Variants in CSMD1 observed in about 807,000 individuals in gnomAD.
The protein encoded by CSMD1 is CUB and Sushi multiple domains 1.
In CSMD1, 213 loss-of-function variants were observed where a neutral mutation model predicts 417.5. The ratio of observed to expected loss-of-function variants is 0.51; its 90% CI spans 0.46 to 0.57. CSMD1 has a LOEUF of 0.57. Ranked by LOEUF, CSMD1 falls within the 20% of genes least tolerant of loss-of-function variation. CSMD1 has a pLI of 0.00. For synonymous variants in CSMD1, 2,862 were observed against 1,736.8 expected (o/e 1.65, Z -16.11); for missense variants, 6,923 against 4,529.7 (o/e 1.53, Z -15.17).
At chr8:3,294,016 C>A (rs564663090) in intron 25 of CSMD1, among the ~76,000 whole-genome samples, 1 of 115,504 alleles carries the variant, frequency 8.7e-6, no homozygotes, top group African/African-American at 2.5e-5. Flanking sequence ...TGTGGATGTC[C>A]TTTCTGTTTG....
chr8:3,219,474 GC>G, intron 28 of CSMD1, 32 bp from the exon 29 acceptor site: 10 of 1,369,428 alleles, frequency 7.3e-6, no homozygotes, highest in Non-Finnish European at 9.6e-6. Context: ...ATGTCATACG[GC>G]TAACAGATAT....
intron 3 of CSMD1, among the ~76,000 whole-genome samples, chr8:4,230,998 T>G (rs934637786): frequency 2.0e-5 from 3 of 152,176 alleles, no homozygotes; most frequent in Admixed American, 6.5e-5. Flanking sequence ...GTATTTTGTT[T>G]CATCACACAC....
intron 4 of CSMD1, among the ~76,000 whole-genome samples, chr8:4,014,073 T>C (rs1163181819): frequency 6.6e-6 from 1 of 152,174 alleles, no homozygotes; most frequent in African/African-American, 2.4e-5. Flanking sequence ...TAAAAACAAC[T>C]TTTGAGCATC....
intron 2 of CSMD1, among the ~76,000 whole-genome samples, chr8:4,577,148 GT>G (rs912686429): frequency 6.6e-6 from 1 of 151,350 alleles, no homozygotes; most frequent in Non-Finnish European, 1.5e-5. Flanking sequence ...GTTTCCTTGG[GT>G]TTTTTTTGCA....
intron 2 of CSMD1, among the ~76,000 whole-genome samples, chr8:4,457,394 A>T (rs921838349): frequency 6.6e-6 from 1 of 152,080 alleles, no homozygotes; most frequent in African/African-American, 2.4e-5. Flanking sequence ...CTGGAACAGG[A>T]AGGGAATGTT....
intron 25 of CSMD1, among the ~76,000 whole-genome samples, chr8:3,307,079 T>C (rs1804920226): frequency 6.6e-6 from 1 of 152,174 alleles, no homozygotes. Context: ...CACAAGTCTT[T>C]TTAAAATATG....
intron 1 of CSMD1, among the ~76,000 whole-genome samples, chr8:4,803,966 T>A (rs1798449210): frequency 6.6e-6 from 1 of 152,174 alleles, no homozygotes; most frequent in Non-Finnish European, 1.5e-5. Context: ...TCTTTACAGA[T>A]GTATCGTAAG....
chr8:4,341,836 C>G (rs569248977), intron 3 of CSMD1, among the ~76,000 whole-genome samples: 7 of 152,204 alleles, frequency 4.6e-5, no homozygotes, highest in Admixed American at 2.6e-4. Context: ...TGCATAATAA[C>G]AGAAGGATGC....
At chr8:4,547,908 A>C (rs1175774467) in intron 2 of CSMD1, among the ~76,000 whole-genome samples, 1 of 152,208 alleles carries the variant, frequency 6.6e-6, no homozygotes, top group Non-Finnish European at 1.5e-5. Context: ...GCCATGACAA[A>C]ATAAAGGCCG....
chr8:4,810,478 G>C (rs1334266350), intron 1 of CSMD1, among the ~76,000 whole-genome samples: 1 of 152,082 alleles, frequency 6.6e-6, no homozygotes, highest in Non-Finnish European at 1.5e-5. Flanking sequence ...CCCGAGTCAT[G>C]TTTGATGTTA....
intron 3 of CSMD1, among the ~76,000 whole-genome samples, chr8:4,054,263 G>C (rs139608955): frequency 4.5e-5 from 6 of 132,220 alleles, no homozygotes; most frequent in South Asian, 2.9e-4. Context: ...TGAGAGTTAA[G>C]AGGTGACGGG....
intron 4 of CSMD1, among the ~76,000 whole-genome samples, chr8:4,010,815 T>G (rs1249894109): frequency 6.6e-6 from 1 of 152,206 alleles, no homozygotes; most frequent in Non-Finnish European, 1.5e-5. Context: ...AAAACACCTT[T>G]GGTTCCAGTC....
Position 2,966,637 on chromosome 8 carries a change from G to C in CSMD1, c.9033C>G (p.Thr3011=). ...VIYACWEGYK[T]SGLMTRHCTA... The stretch of plus-strand genomic sequence containing the variant: ...TGCAATGCCGTGTCATGAGCCCTGA[G>C]GTCTTGTAGCCTTCCCAGCAGGCAT... Residue 3011 remains threonine, a synonymous_variant, in exon 58 of 70, where the codon ACC becomes ACG. Transcript: ENST00000635120. The C allele has an allele frequency of 1.2e-6, 2 of 1,613,790 alleles. No homozygotes were observed. The highest frequency in any genetic ancestry group is 8.5e-7 in the Non-Finnish European group (1 of 1,179,812).
chr8:3,075,622 TTA>T (rs1813605845), intron 49 of CSMD1, among the ~76,000 whole-genome samples: 2 of 152,114 alleles, frequency 1.3e-5, no homozygotes, highest in South Asian at 4.1e-4. Context: ...CCTAATACAT[TTA>T]TAGAGGTATG....
intron 3 of CSMD1, among the ~76,000 whole-genome samples, chr8:4,068,460 T>G (rs1464404688): frequency 6.6e-6 from 1 of 152,138 alleles, no homozygotes; most frequent in Non-Finnish European, 1.5e-5. Flanking sequence ...TAGAAAGAAG[T>G]CTTTCATGAC....
At chr8:3,575,323 G>C (rs765496802) in intron 9 of CSMD1, among the ~76,000 whole-genome samples, 3 of 152,058 alleles carry the variant, frequency 2.0e-5, no homozygotes, top group Non-Finnish European at 4.4e-5. Flanking sequence ...CTCACCAAAG[G>C]ATCTAACAGA....
At chr8:4,459,889 G>T (rs570600508) in intron 2 of CSMD1, among the ~76,000 whole-genome samples, 5 of 152,234 alleles carry the variant, frequency 3.3e-5, no homozygotes, top group Admixed American at 3.3e-4. Flanking sequence ...AACAGAACCT[G>T]ACAAAATTGC....
At chr8:3,335,649 C>A (rs577788595) in intron 23 of CSMD1, among the ~76,000 whole-genome samples, 4 of 152,240 alleles carry the variant, frequency 2.6e-5, no homozygotes, top group African/African-American at 7.2e-5. Flanking sequence ...GCACTCCAGC[C>A]TGGGTGACAG....
chr8:4,314,132 G>C (rs954965702), intron 3 of CSMD1, among the ~76,000 whole-genome samples: 28 of 152,058 alleles, frequency 1.8e-4, no homozygotes, highest in Admixed American at 4.6e-4. Flanking sequence ...CCGACATGCA[G>C]AGACTGTCAA....
Sources: gnomAD v4.1 joint callset for allele counts (sites outside exome capture counted in the v4.1 genomes callset) on GRCh38, gnomAD v4.1.1 for gene constraint, MANE v1.5 for transcripts, NCBI Gene and HGNC (gene_info 2026-07-23, HGNC 2026-07-21) for gene names.